KIF1B: variants seen among roughly 807,000 people sequenced by gnomAD.
KIF1B encodes kinesin-like protein KIF1B.
KIF1B carries 76 observed loss-of-function variants against 241.9 expected under a neutral mutation model. That is an observed-to-expected ratio of 0.31 (90% CI 0.26 to 0.38). KIF1B has a LOEUF of 0.38. Ranked by LOEUF, KIF1B falls within the 10% of genes least tolerant of loss-of-function variation. The pLI, the probability that KIF1B is intolerant of heterozygous loss-of-function variation, is 1.00. For missense variants in KIF1B, 1,622 were observed against 2,271.4 expected (o/e 0.71, Z 5.81); for synonymous variants, 750 against 796.7 (o/e 0.94, Z 0.99).
intron 1 of KIF1B, among the ~76,000 whole-genome samples, chr1:10,218,321 T>C (rs558370067): frequency 1.1e-4 from 16 of 152,274 alleles, no homozygotes; most frequent in Admixed American, 8.5e-4. Flanking sequence ...TTCCTTGAAC[T>C]TTTGGCTACT....
At chr1:10,220,397 TGATAGATAGATAGATAGATAGATAGATA>T (rs5772398) in intron 1 of KIF1B, among the ~76,000 whole-genome samples, 1 of 144,172 alleles carries the variant, frequency 6.9e-6, no homozygotes, top group Admixed American at 7.1e-5. Flanking sequence ...GATAGATAGA[TGATAGATAGATAGATAGATAGATAGATA>T]GATAGATAGA....
Position 10,233,985 on chromosome 1 carries a change from A to G in KIF1B, c.106+1551A>G, listed in dbSNP as rs1196159932. ...CTATAAACTGGAGGTAATATTACATATTTTACTTATATATATGGCTACCAA... is the reference window on the plus strand; with the variant it reads ...CTATAAACTGGAGGTAATATTACATGTTTTACTTATATATATGGCTACCAA... On this transcript the variant is annotated intron_variant, in intron 2 of 48. Transcript: ENST00000676179. Among the ~76,000 whole-genome samples the G allele has an allele frequency of 3.3e-5, 5 of 151,860 alleles. No homozygotes were observed. In the South Asian group the frequency reaches 1.0e-3, roughly 32 times the overall value.
chr1:10,291,629 G>A (rs1377359581), intron 16 of KIF1B, among the ~76,000 whole-genome samples: 5 of 151,594 alleles, frequency 3.3e-5, no homozygotes, highest in Admixed American at 6.6e-5. Context: ...GGAGAATGGC[G>A]TGAACCTGGG....
intron 1 of KIF1B, among the ~76,000 whole-genome samples, chr1:10,218,185 T>C (rs1384060981): frequency 1.3e-5 from 2 of 152,134 alleles, no homozygotes; most frequent in African/African-American, 4.8e-5. Context: ...CTGGCTTCAG[T>C]GTCCCCTCCT....
intron 2 of KIF1B, among the ~76,000 whole-genome samples, chr1:10,247,437 A>G (rs908876408): frequency 3.9e-5 from 6 of 152,126 alleles, no homozygotes; most frequent in Non-Finnish European, 8.8e-5. Flanking sequence ...TCTTTCCAAC[A>G]TTATGCTATT....
At chr1:10,305,068 T>C (rs1650760436) in intron 22 of KIF1B, 3 of 1,070,752 alleles carry the variant, frequency 2.8e-6, no homozygotes, top group Non-Finnish European at 3.4e-6. Flanking sequence ...ATGTCTGTTA[T>C]TCATAAATGT....
Position 10,255,169 on chromosome 1 carries a change from G to A in KIF1B, c.107-1078G>A, listed in dbSNP as rs1647704037. Among the ~76,000 whole-genome samples, 2 of 151,924 alleles carry A rather than the reference G, an allele frequency of 1.3e-5. 1 individual carries two copies. Among genetic ancestry groups the A allele is most frequent in the Admixed American group, 1.3e-4 (2 of 15,256 alleles). Reference sequence around the variant, plus strand: ...TCACCATGTTCGCCAGGCTAGTCTCGAATTCCTGACCTCAAGTGATACACC... The same window carrying A: ...TCACCATGTTCGCCAGGCTAGTCTCAAATTCCTGACCTCAAGTGATACACC... On this transcript the variant is annotated intron_variant, in intron 2 of 48. Transcript: ENST00000676179.
At chr1:10,212,342 A>G (rs115888673) in intron 1 of KIF1B, among the ~76,000 whole-genome samples, 166 of 152,274 alleles carry the variant, frequency 1.1e-3, no homozygotes, top group African/African-American at 3.8e-3. Flanking sequence ...TTATAGAGCA[A>G]GTGTTGTTAA....
At chr1:10,220,070 C>CACCCA (rs931975038) in intron 1 of KIF1B, among the ~76,000 whole-genome samples, 1 of 150,060 alleles carries the variant, frequency 6.7e-6, no homozygotes, top group African/African-American at 2.5e-5. Context: ...GGTGTGGTGG[C>CACCCA]ACATGCCTGT....
At chr1:10,304,128 A>T in intron 22 of KIF1B, 4 of 1,614,208 alleles carry the variant, frequency 2.5e-6, no homozygotes, top group Non-Finnish European at 3.4e-6. Context: ...TCATCATAAC[A>T]GAAGATGAGG....
chr1:10,315,930 C>T (rs1189460682), intron 22 of KIF1B, among the ~76,000 whole-genome samples: 2 of 151,118 alleles, frequency 1.3e-5, no homozygotes, highest in African/African-American at 2.5e-5. Context: ...GTGGTACACA[C>T]CTGTAGTCCC....
Position 10,374,169 on chromosome 1 carries a change from T to A in KIF1B, c.4947-147T>A, listed in dbSNP as rs1387126282. ...GTTAACTTTCTGAAGCCAGCTTGTCTCCTCAGCTGAGCTCTCTGCAACTCA... is the reference window on the plus strand; with the variant it reads ...GTTAACTTTCTGAAGCCAGCTTGTCACCTCAGCTGAGCTCTCTGCAACTCA... On this transcript the variant is annotated intron_variant, in intron 45 of 48. Coordinates refer to ENST00000676179, the MANE Select transcript of KIF1B (RefSeq NM_001365951.3). The surrounding 1 kb of genome is among the most constrained non-coding windows in gnomAD (Gnocchi z 4.3). 1.3e-6 allele frequency: 1 copy of A among 799,012 alleles called. No homozygotes were observed. Among genetic ancestry groups the A allele is most frequent in the African/African-American group, 1.7e-5 (1 of 58,464 alleles). 49.5% of individuals were successfully genotyped at this position (799,012 alleles called of 1,614,324 possible).
rs1638982880 is a variant in KIF1B, at chr1:10,380,035, C to G, written c.*3448C>G. 1 of 229,216 alleles carries G rather than the reference C, an allele frequency of 4.4e-6. No individual in the cohort carries two copies. Among genetic ancestry groups the G allele is most frequent in the Non-Finnish European group, 8.7e-6 (1 of 115,250 alleles). The allele number at this position is 229,216 out of a possible 1,614,324, so 14.2% of individuals were successfully genotyped here. A position where few individuals can be genotyped will look rare whatever the true frequency, so the allele number is the denominator to read the frequency against. ...GTCACATAGACTTCAGACAACTCTC[C>G]TATTTTTTATGGATTTTTCAGCTCA... On this transcript the variant is annotated 3_prime_UTR_variant, in exon 49 of 49. Coordinates refer to ENST00000676179, the MANE Select transcript of KIF1B (RefSeq NM_001365951.3).
chr1:10,363,205 T>C, intron 40 of KIF1B, 78 bp from the exon 41 acceptor site: 2 of 1,085,088 alleles, frequency 1.8e-6, no homozygotes, highest in Admixed American at 3.4e-5. Flanking sequence ...GAAGACACTA[T>C]TTTAAGTAGC....
chr1:10,371,386 G>A, intron 45 of KIF1B, 124 bp downstream of exon 45: 3 of 1,177,500 alleles, frequency 2.5e-6, no homozygotes, highest in South Asian at 2.6e-5. Flanking sequence ...TTGGAAATGT[G>A]TGGGAGCCTT....
intron 2 of KIF1B, among the ~76,000 whole-genome samples, chr1:10,242,017 G>A (rs1016340053): frequency 6.6e-6 from 1 of 152,184 alleles, no homozygotes; most frequent in Non-Finnish European, 1.5e-5. Context: ...CATTGTATAG[G>A]TGAAAGCTGT....
At chr1:10,274,550 C>A (rs1376109407) in intron 10 of KIF1B, among the ~76,000 whole-genome samples, 1 of 152,068 alleles carries the variant, frequency 6.6e-6, no homozygotes, top group Non-Finnish European at 1.5e-5. Context: ...AATTTCCTTT[C>A]AAAGAGACCA....
chr1:10,217,663 C>T (rs1438824220), intron 1 of KIF1B, among the ~76,000 whole-genome samples: 4 of 151,968 alleles, frequency 2.6e-5, no homozygotes, highest in Non-Finnish European at 4.4e-5. Flanking sequence ...CTGAAATCTG[C>T]TTGGCTAACT....
intron 1 of KIF1B, among the ~76,000 whole-genome samples, chr1:10,218,858 A>C (rs1372969982): frequency 1.3e-5 from 2 of 152,204 alleles, no homozygotes; most frequent in African/African-American, 2.4e-5. Flanking sequence ...ATTTATTTAT[A>C]ATTTATACCA....
Sources: allele counts gnomAD v4.1 joint callset (sites outside exome capture counted in the v4.1 genomes callset), GRCh38; gene constraint gnomAD v4.1.1; non-coding constraint Gnocchi (gnomAD v3.1); transcripts MANE v1.5; gene names NCBI Gene and HGNC (gene_info 2026-07-23, HGNC 2026-07-21).